The following CEP112 variants were observed in gnomAD, a reference collection of about 807,000 sequenced individuals.
The protein encoded by CEP112 is centrosomal protein 112, also known as centrosomal protein of 112 kDa.
A neutral mutation model predicts 153.0 loss-of-function variants in CEP112; 127 were observed. The observed-to-expected ratio is 0.83, with a 90% confidence interval of 0.72 to 0.96. The LOEUF is 0.96. Among genes scored for constraint, CEP112 ranks in the 40% least tolerant of loss-of-function variants. CEP112 has a pLI of 0.00. For synonymous variants in CEP112, 358 were observed against 374.4 expected (o/e 0.96, Z 0.51); for missense variants, 1,089 against 1,101.2 (o/e 0.99, Z 0.16).
chr17:65,806,169 T>C (rs1234582521), intron 21 of CEP112, among the ~76,000 whole-genome samples: 1 of 152,204 alleles, frequency 6.6e-6, no homozygotes, highest in African/African-American at 2.4e-5. Flanking sequence ...AACACACTTG[T>C]ACTGGTGCCT....
intron 20 of CEP112, among the ~76,000 whole-genome samples, chr17:65,860,378 C>A (rs2058274930): frequency 7.3e-6 from 1 of 137,438 alleles, no homozygotes; most frequent in Non-Finnish European, 1.7e-5. Flanking sequence ...GAGTGTAAGT[C>A]CAATTAAAAC....
intron 22 of CEP112, among the ~76,000 whole-genome samples, chr17:65,749,116 G>A (rs1295876742): frequency 1.3e-5 from 2 of 152,144 alleles, no homozygotes; most frequent in Non-Finnish European, 2.9e-5. Flanking sequence ...TGGAATAATG[G>A]CAATCAAGAC....
chr17:65,763,168 G>A (rs2052719677), intron 21 of CEP112, among the ~76,000 whole-genome samples: 1 of 152,042 alleles, frequency 6.6e-6, no homozygotes, highest in African/African-American at 2.4e-5. Context: ...GAAAACTGAT[G>A]TAATTCTCAC....
chr17:65,677,735 A>AGACCAGCCTGGCCAACAGGGTGG (rs1307933680), intron 24 of CEP112, among the ~76,000 whole-genome samples: 1 of 152,108 alleles, frequency 6.6e-6, no homozygotes, highest in Non-Finnish European at 1.5e-5. Context: ...CAACAGGGTG[A>AGACCAGCCTGGCCAACAGGGTGG]AACCAGGTCT....
At chr17:65,681,878 C>A (rs867268516) in intron 24 of CEP112, among the ~76,000 whole-genome samples, 2 of 151,772 alleles carry the variant, frequency 1.3e-5, no homozygotes, top group South Asian at 2.1e-4. Flanking sequence ...CAGGGTTTCA[C>A]CATGTTGGCC....
chr17:66,153,938 G>A (rs1037345951), intron 4 of CEP112, among the ~76,000 whole-genome samples: 1 of 151,504 alleles, frequency 6.6e-6, no homozygotes, highest in African/African-American at 2.4e-5. Context: ...AGAGGTGGGT[G>A]GACTGCTTGA....
chr17:66,146,906 C>T (rs1450887586), intron 4 of CEP112, among the ~76,000 whole-genome samples: 1 of 152,098 alleles, frequency 6.6e-6, no homozygotes, highest in Non-Finnish European at 1.5e-5. Context: ...ATCTATTCAT[C>T]TGTAGATAGA....
At chr17:66,134,853 C>G (rs748464704) in intron 4 of CEP112, among the ~76,000 whole-genome samples, 44 of 152,096 alleles carry the variant, frequency 2.9e-4, no homozygotes, top group Non-Finnish European at 4.4e-4. Context: ...ACCATTTTTC[C>G]ATGGTTCTCA....
chr17:65,810,102 G>T (rs983776041), intron 21 of CEP112, among the ~76,000 whole-genome samples: 1 of 152,182 alleles, frequency 6.6e-6, no homozygotes, highest in Non-Finnish European at 1.5e-5. Flanking sequence ...TTGAAGTGGC[G>T]AAGAGCCTCA....
At chr17:65,661,394 A>G (rs1171097590) in intron 24 of CEP112, among the ~76,000 whole-genome samples, 1 of 152,174 alleles carries the variant, frequency 6.6e-6, no homozygotes, top group African/African-American at 2.4e-5. Flanking sequence ...ATTATATTTC[A>G]TTTAATCTTC....
At chr17:66,190,127 C>G (rs1199147108) in intron 1 of CEP112, among the ~76,000 whole-genome samples, 1 of 151,816 alleles carries the variant, frequency 6.6e-6, no homozygotes, top group Non-Finnish European at 1.5e-5. Flanking sequence ...GTCAGGAGTT[C>G]GAGACAAGCC....
At chr17:65,824,498 G>C (rs540885288) in intron 21 of CEP112, among the ~76,000 whole-genome samples, 1 of 152,310 alleles carries the variant, frequency 6.6e-6, no homozygotes, top group East Asian at 1.9e-4. Context: ...GTCAAAACTT[G>C]CAGAACTGCA....
intron 21 of CEP112, among the ~76,000 whole-genome samples, chr17:65,782,388 G>T (rs954967009): frequency 6.6e-6 from 1 of 152,176 alleles, no homozygotes; most frequent in Non-Finnish European, 1.5e-5. Flanking sequence ...TACACTGTTG[G>T]TGGGAATGGA....
chr17:65,997,063 T>C (rs1256930674), intron 17 of CEP112, among the ~76,000 whole-genome samples: 1 of 151,722 alleles, frequency 6.6e-6, no homozygotes. Context: ...CAAAATAAAT[T>C]AGGCAGGCGT....
At chr17:65,907,933 C>G (rs2060143019) in intron 19 of CEP112, among the ~76,000 whole-genome samples, 1 of 152,056 alleles carries the variant, frequency 6.6e-6, no homozygotes, top group Admixed American at 6.6e-5. Context: ...TTAATGATGA[C>G]CAGGAGGTGG....
intron 17 of CEP112, among the ~76,000 whole-genome samples, chr17:65,971,215 C>T (rs942050487): frequency 1.3e-5 from 2 of 152,124 alleles, no homozygotes; most frequent in Non-Finnish European, 2.9e-5. Context: ...GTATGTATAT[C>T]ACATGTATAT....
In CEP112 at chr17:65,665,502, G is replaced by A. The variant is rs75007611; in HGVS notation, c.2697+23627C>T. 6.2e-3 allele frequency among the ~76,000 whole-genome samples: 937 copies of A among 152,278 alleles called. 4 individuals are homozygous for A. The highest frequency in any genetic ancestry group is 0.041 in the East Asian group (214 of 5,174). On this transcript the variant is annotated intron_variant, in intron 24 of 26. Transcript: ENST00000535342. ...ATGAAAGACAAGCCTAGGATACTGC[G>A]CGAGGTTCTGTGGAACAGAACTTTC...
intron 20 of CEP112, among the ~76,000 whole-genome samples, chr17:65,899,173 T>G (rs1459817173): frequency 6.6e-6 from 1 of 152,148 alleles, no homozygotes; most frequent in Non-Finnish European, 1.5e-5. Context: ...AAGAGAGACC[T>G]GGTAAATGAG....
At chr17:65,908,323 C>T (rs962182826) in intron 19 of CEP112, among the ~76,000 whole-genome samples, 9 of 152,102 alleles carry the variant, frequency 5.9e-5, no homozygotes, top group Admixed American at 4.6e-4. Context: ...CTAGGGTTGA[C>T]GGCTTGGTGG....
Sources: gnomAD v4.1 joint callset for allele counts (sites outside exome capture counted in the v4.1 genomes callset) on GRCh38, gnomAD v4.1.1 for gene constraint, MANE v1.5 for transcripts, NCBI Gene and HGNC (gene_info 2026-07-23, HGNC 2026-07-21) for gene names.